SYT1: variants seen among roughly 807,000 people sequenced by gnomAD.
SYT1 encodes synaptotagmin 1, also known as synaptotagmin-1.
In SYT1, 8 loss-of-function variants were observed where a neutral mutation model predicts 44.8. The ratio of observed to expected loss-of-function variants is 0.18; its 90% CI spans 0.10 to 0.32. The LOEUF (loss-of-function observed/expected upper bound fraction) is 0.32, where lower values mean the gene tolerates loss of function less well. Ranked by LOEUF, SYT1 falls within the 10% of genes least tolerant of loss-of-function variation. The pLI is 1.00. For synonymous variants in SYT1, 154 were observed against 188.8 expected (o/e 0.82, Z 1.51); for missense variants, 286 against 509.3 (o/e 0.56, Z 4.22).
rs1878804146 is a variant in SYT1 at position 78,948,806 on chromosome 12, T to A, written c.-216-28993T>A. Among the ~76,000 whole-genome samples the A allele has an allele frequency of 2.0e-5, 3 of 151,766 alleles. No homozygotes were observed. The South Asian group carries it at 6.2e-4, about 31-fold the overall frequency. On this transcript the variant is annotated intron_variant, in intron 1 of 10. Transcript: ENST00000261205. ...TGCACTGTGCCAAAAGTGAGATAAC[T>A]ACTTGCATAGTGTCCATGGAGAGGT... is the stretch of plus-strand genomic sequence containing the variant.
At chr12:79,161,388 G>A (rs1300448217) in intron 3 of SYT1, among the ~76,000 whole-genome samples, 2 of 152,036 alleles carry the variant, frequency 1.3e-5, no homozygotes, top group Non-Finnish European at 2.9e-5. Context: ...AGGAGAAAAA[G>A]GCTACACCAT....
At chr12:79,410,985 A>G (rs1868396678) in intron 9 of SYT1, among the ~76,000 whole-genome samples, 1 of 152,214 alleles carries the variant, frequency 6.6e-6, no homozygotes, top group African/African-American at 2.4e-5. Context: ...TTTGACAGCA[A>G]TAACCAACCA....
chr12:79,243,351 G>A (rs972675572), intron 4 of SYT1, among the ~76,000 whole-genome samples: 23 of 152,114 alleles, frequency 1.5e-4, no homozygotes, highest in East Asian at 7.7e-4. Flanking sequence ...TCACATTTCA[G>A]TGTCAAGCAA....
At chr12:78,934,173 T>TACACACAC (rs78125687) in intron 1 of SYT1, among the ~76,000 whole-genome samples, 3 of 148,210 alleles carry the variant, frequency 2.0e-5, no homozygotes, top group Admixed American at 1.3e-4. Context: ...CACACACACA[T>TACACACAC]ACACACACAC....
intron 9 of SYT1, among the ~76,000 whole-genome samples, chr12:79,415,653 A>G (rs561238759): frequency 2.4e-4 from 37 of 152,320 alleles, no homozygotes; most frequent in Non-Finnish European, 4.4e-4. Flanking sequence ...TTGCCTTCAT[A>G]AACAATACTA....
chr12:79,143,633 A>T (rs1869700213), intron 3 of SYT1, among the ~76,000 whole-genome samples: 1 of 152,210 alleles, frequency 6.6e-6, no homozygotes, highest in African/African-American at 2.4e-5. Context: ...TATTTTGAAA[A>T]CATAAAATCA....
intron 9 of SYT1, among the ~76,000 whole-genome samples, chr12:79,367,148 C>A (rs1485679532): frequency 2.0e-5 from 3 of 152,076 alleles, no homozygotes; most frequent in Non-Finnish European, 4.4e-5. Context: ...AGTTAAGACA[C>A]CGAGTTGTCT....
intron 1 of SYT1, among the ~76,000 whole-genome samples, chr12:78,877,276 G>A (rs2137049060): frequency 6.6e-6 from 1 of 151,402 alleles, no homozygotes; most frequent in East Asian, 2.0e-4. Flanking sequence ...CATGTATAGG[G>A]GAACTCCCCT....
intron 3 of SYT1, among the ~76,000 whole-genome samples, chr12:79,106,120 A>G (rs1356341596): frequency 6.6e-6 from 1 of 152,188 alleles, no homozygotes; most frequent in Non-Finnish European, 1.5e-5. Flanking sequence ...TCCTGCAGCT[A>G]TCCAGCAAGC....
intron 2 of SYT1, among the ~76,000 whole-genome samples, chr12:79,035,162 C>A (rs1300884183): frequency 6.6e-6 from 1 of 151,640 alleles, no homozygotes; most frequent in African/African-American, 2.4e-5. Context: ...CACGCCGAAC[C>A]CCAACATACC....
chr12:79,259,295 A>G (rs1565879675), intron 4 of SYT1, among the ~76,000 whole-genome samples: 1 of 152,242 alleles, frequency 6.6e-6, no homozygotes, highest in East Asian at 1.9e-4. Flanking sequence ...AAAACAAGTG[A>G]AAGTACAATC....
At chr12:78,868,924 T>C (rs752536133) in intron 1 of SYT1, 2 of 151,906 alleles carry the variant, frequency 1.3e-5, no homozygotes, top group Non-Finnish European at 2.9e-5. Flanking sequence ...AACAAATAAG[T>C]TGAAATCATA....
chr12:79,416,806 T>C (rs1309385757), intron 9 of SYT1, among the ~76,000 whole-genome samples: 1 of 152,174 alleles, frequency 6.6e-6, no homozygotes, highest in Non-Finnish European at 1.5e-5. Flanking sequence ...AGTTCTATTA[T>C]ACACTATTGA....
chr12:78,970,942 A>C (rs1216795540), intron 1 of SYT1, among the ~76,000 whole-genome samples: 5 of 152,186 alleles, frequency 3.3e-5, no homozygotes, highest in Non-Finnish European at 5.9e-5. Flanking sequence ...TGAGGTCAAG[A>C]GCTCAAGACC....
At chr12:78,971,829 T>C (rs1868404900) in intron 1 of SYT1, among the ~76,000 whole-genome samples, 3 of 152,266 alleles carry the variant, frequency 2.0e-5, no homozygotes, top group African/African-American at 2.4e-5. Flanking sequence ...TCAACTATAC[T>C]ACTAATACGC....
At chr12:78,941,065 CTTTTTTTTTT>C (rs398044555) in intron 1 of SYT1, among the ~76,000 whole-genome samples, 839 of 68,450 alleles carry the variant, frequency 0.012, 11 homozygotes, top group African/African-American at 0.039. Context: ...CTTTTTTTTT[CTTTTTTTTTT>C]TTTTTTTTGA....
intron 8 of SYT1, among the ~76,000 whole-genome samples, chr12:79,313,966 G>GTTATTAAAAACATTGGTC (rs1880944089): frequency 6.7e-6 from 1 of 148,690 alleles, no homozygotes; most frequent in Admixed American, 6.6e-5. Context: ...TCAGGAGATC[G>GTTATTAAAAACATTGGTC]AGACCATCCT....
At chr12:79,236,897 G>A (rs1252760422) in intron 4 of SYT1, among the ~76,000 whole-genome samples, 1 of 152,178 alleles carries the variant, frequency 6.6e-6, no homozygotes, top group Non-Finnish European at 1.5e-5. Flanking sequence ...AGGTTAGAGA[G>A]GTCCATCAAT....
intron 8 of SYT1, among the ~76,000 whole-genome samples, chr12:79,344,808 A>G (rs1193397954): frequency 1.3e-5 from 2 of 152,078 alleles, no homozygotes; most frequent in African/African-American, 4.8e-5. Context: ...CCTTATTTTG[A>G]TCACATCAGA....
Sources: gnomAD v4.1 joint callset for allele counts (sites outside exome capture counted in the v4.1 genomes callset) on GRCh38, gnomAD v4.1.1 for gene constraint, MANE v1.5 for transcripts, NCBI Gene and HGNC (gene_info 2026-07-23, HGNC 2026-07-21) for gene names.